NLGN1: variants seen among roughly 807,000 people sequenced by gnomAD.
The protein encoded by NLGN1 is neuroligin-1.
In NLGN1, 12 loss-of-function variants were observed where a neutral mutation model predicts 65.5. The ratio of observed to expected loss-of-function variants is 0.18; its 90% CI spans 0.12 to 0.30. The LOEUF (loss-of-function observed/expected upper bound fraction) is 0.30. Among genes scored for constraint, NLGN1 ranks in the 10% least tolerant of loss-of-function variants. The pLI, the probability that NLGN1 is intolerant of heterozygous loss-of-function variation, is 1.00. For synonymous variants in NLGN1, 350 were observed against 359.5 expected (o/e 0.97, Z 0.30); for missense variants, 750 against 1,007.1 (o/e 0.74, Z 3.46).
chr3:174,256,571 G>A (rs971181828), intron 4 of NLGN1, among the ~76,000 whole-genome samples: 1 of 152,046 alleles, frequency 6.6e-6, no homozygotes, highest in African/African-American at 2.4e-5. Context: ...GTGTGGCGGT[G>A]TGTTGGTACT....
intron 4 of NLGN1, among the ~76,000 whole-genome samples, chr3:174,023,305 G>A (rs998143204): frequency 1.3e-5 from 2 of 152,168 alleles, no homozygotes; most frequent in African/African-American, 4.8e-5. Context: ...CAAGTTATAT[G>A]ATTCTAGGCT....
At chr3:174,075,416 A>G (rs1740704779) in intron 4 of NLGN1, among the ~76,000 whole-genome samples, 1 of 152,190 alleles carries the variant, frequency 6.6e-6, no homozygotes, top group Non-Finnish European at 1.5e-5. Flanking sequence ...TATTTAAATG[A>G]TAATCAGAGC....
intron 3 of NLGN1, among the ~76,000 whole-genome samples, chr3:173,683,433 A>G (rs1764248113): frequency 6.6e-6 from 1 of 152,142 alleles, no homozygotes. Flanking sequence ...GCCTGTCACT[A>G]CTGAGGATAT....
intron 3 of NLGN1, chr3:173,644,117 C>G (rs1231104660): frequency 6.6e-6 from 1 of 152,356 alleles, no homozygotes; most frequent in South Asian, 2.1e-4. Flanking sequence ...GCGCGCTCAA[C>G]AGTATGACAA....
intron 2 of NLGN1, among the ~76,000 whole-genome samples, chr3:173,572,641 G>T (rs763763393): frequency 6.6e-6 from 1 of 152,138 alleles, no homozygotes; most frequent in Non-Finnish European, 1.5e-5. Context: ...ACCTTTCTCT[G>T]GTTGTCATAG....
At chr3:173,558,945 G>A (rs1279719249) in intron 2 of NLGN1, among the ~76,000 whole-genome samples, 1 of 151,942 alleles carries the variant, frequency 6.6e-6, no homozygotes, top group Non-Finnish European at 1.5e-5. Context: ...TCTCTTCCTG[G>A]TGGTTAAGAT....
chr3:173,781,692 A>G (rs1781186505), intron 3 of NLGN1, among the ~76,000 whole-genome samples: 1 of 152,244 alleles, frequency 6.6e-6, no homozygotes, highest in African/African-American at 2.4e-5. Context: ...CCCGTGTCTC[A>G]GTAATTGGAT....
At chr3:174,117,922 C>T (rs6793967) in intron 4 of NLGN1, among the ~76,000 whole-genome samples, 2,780 of 152,238 alleles carry the variant, frequency 0.018, 45 homozygotes, top group Non-Finnish European at 0.027. Flanking sequence ...TACTCTATTT[C>T]AGGATCTGAA....
At chr3:174,115,600 C>G (rs758223166) in intron 4 of NLGN1, among the ~76,000 whole-genome samples, 1 of 152,068 alleles carries the variant, frequency 6.6e-6, no homozygotes, top group Admixed American at 6.6e-5. Flanking sequence ...TTTGGAATCC[C>G]GACCCAGAAA....
At chr3:173,680,179 C>T (rs910213180) in intron 3 of NLGN1, among the ~76,000 whole-genome samples, 14 of 151,936 alleles carry the variant, frequency 9.2e-5, no homozygotes, top group East Asian at 7.7e-4. Flanking sequence ...TGTTTCTTAG[C>T]GGGGTAGTGG....
At chr3:173,787,075 C>A (rs58492507) in intron 3 of NLGN1, among the ~76,000 whole-genome samples, 1,595 of 44,770 alleles carry the variant, frequency 0.036, 23 homozygotes, top group African/African-American at 0.13. Flanking sequence ...AAAACTCCGT[C>A]TCAAAAAAAA....
rs9822948 is a variant in NLGN1 at position 173,486,684 on chromosome 3, A to C, written c.-321+51606A>C. 9.0e-3 allele frequency among the ~76,000 whole-genome samples: 1,364 copies of C among 152,222 alleles called. 22 individuals are homozygous for C. The highest frequency in any genetic ancestry group is 0.032 in the African/African-American group (1,314 of 41,514). ...ATGGAAGGAAAGAAGCAAGAACATAATTCGATTTGTTCTTTACTATTTTAT... is the reference window on the plus strand; with the variant it reads ...ATGGAAGGAAAGAAGCAAGAACATACTTCGATTTGTTCTTTACTATTTTAT... On this transcript the variant is annotated intron_variant, in intron 2 of 6. Coordinates refer to ENST00000457714, the Ensembl canonical transcript of NLGN1.
At chr3:173,933,972 T>G (rs1744597437) in intron 4 of NLGN1, among the ~76,000 whole-genome samples, 1 of 151,856 alleles carries the variant, frequency 6.6e-6, no homozygotes, top group African/African-American at 2.4e-5. Flanking sequence ...TAAAGAAATA[T>G]TCCTCTCATT....
intron 3 of NLGN1, among the ~76,000 whole-genome samples, chr3:173,645,661 C>T (rs1322194872): frequency 6.6e-6 from 1 of 152,308 alleles, no homozygotes; most frequent in South Asian, 2.1e-4. Context: ...CACTTAGGCT[C>T]TAACTGGTTT....
chr3:173,653,867 C>T (rs1171674873), intron 3 of NLGN1, among the ~76,000 whole-genome samples: 2 of 152,100 alleles, frequency 1.3e-5, no homozygotes, highest in South Asian at 2.1e-4. Flanking sequence ...CCTCTTAGGA[C>T]CCAGACACCA....
chr3:173,899,875 G>A (rs949808582), intron 4 of NLGN1, among the ~76,000 whole-genome samples: 3 of 151,956 alleles, frequency 2.0e-5, no homozygotes, highest in Admixed American at 1.3e-4. Flanking sequence ...AATCAAATTC[G>A]AGATCAACAA....
intron 4 of NLGN1, among the ~76,000 whole-genome samples, chr3:173,824,641 T>G (rs1457133599): frequency 6.6e-6 from 1 of 152,112 alleles, no homozygotes; most frequent in East Asian, 1.9e-4. Flanking sequence ...TATGTATATT[T>G]TAAAAGTTAG....
chr3:173,442,307 AT>A (rs1719354971), intron 2 of NLGN1, among the ~76,000 whole-genome samples: 1 of 152,136 alleles, frequency 6.6e-6, no homozygotes, highest in African/African-American at 2.4e-5. Context: ...TTTCCATTGT[AT>A]TTAAAATGTA....
In NLGN1 at chr3:173,940,341, G is replaced by A. The variant is rs568398407; in HGVS notation, c.646+132509G>A. On this transcript the variant is annotated intron_variant, in intron 4 of 6. Transcript: ENST00000457714. ...TGACCTCAGGTGATCTGCCTGCCTC[G>A]GCCTCCCAAAGCACTGGGATTACAG... 2.2e-3 allele frequency among the ~76,000 whole-genome samples: 341 copies of A among 151,862 alleles called. 1 individual carries two copies. The highest frequency in any genetic ancestry group is 3.9e-3 in the Non-Finnish European group (267 of 67,934).
Sources: gnomAD v4.1 joint callset for allele counts (sites outside exome capture counted in the v4.1 genomes callset) on GRCh38, gnomAD v4.1.1 for gene constraint, MANE v1.5 for transcripts, NCBI Gene and HGNC (gene_info 2026-07-23, HGNC 2026-07-21) for gene names.